The following TAFA2 variants were observed in gnomAD, a reference collection of about 807,000 sequenced individuals.
TAFA2 encodes the protein chemokine-like protein TAFA-2.
In TAFA2, 7 loss-of-function variants were observed where a neutral mutation model predicts 18.8. That is an observed-to-expected ratio of 0.37 (90% confidence interval 0.21 to 0.70). The LOEUF (loss-of-function observed/expected upper bound fraction) is 0.70. Among genes scored for constraint, TAFA2 ranks in the 30% least tolerant of loss-of-function variants. TAFA2 has a pLI of 0.53. For missense variants in TAFA2, 122 were observed against 158.1 expected (o/e 0.77, Z 1.23); for synonymous variants, 60 against 54.2 (o/e 1.11, Z -0.47).
chr12:61,924,102 C>T (rs1047113524), intron 1 of TAFA2, among the ~76,000 whole-genome samples: 4 of 151,810 alleles, frequency 2.6e-5, no homozygotes, highest in Non-Finnish European at 5.9e-5. Flanking sequence ...AAAGACCAAC[C>T]CTACGTTTCA....
intron 1 of TAFA2, among the ~76,000 whole-genome samples, chr12:62,257,827 C>G (rs894603462): frequency 1.3e-5 from 2 of 152,154 alleles, no homozygotes; most frequent in African/African-American, 4.8e-5. Flanking sequence ...CTTTTCTCAT[C>G]AATTTATCTA....
chr12:61,846,653 C>G (rs1430415187), intron 2 of TAFA2, among the ~76,000 whole-genome samples: 2 of 152,150 alleles, frequency 1.3e-5, no homozygotes, highest in Admixed American at 1.3e-4. Flanking sequence ...TCTTTGCTTA[C>G]ATAACTTAAA....
chr12:62,038,146 T>C (rs1881659487), intron 1 of TAFA2, among the ~76,000 whole-genome samples: 1 of 152,158 alleles, frequency 6.6e-6, no homozygotes, highest in Non-Finnish European at 1.5e-5. Context: ...AAGTAGCAGA[T>C]GTATAGGATT....
chr12:61,874,929 A>G (rs1350657264), intron 1 of TAFA2, among the ~76,000 whole-genome samples: 3 of 152,072 alleles, frequency 2.0e-5, no homozygotes, highest in Admixed American at 2.0e-4. Flanking sequence ...ATTAGAGTAA[A>G]CAAGAAATCA....
At chr12:62,043,251 G>C (rs1471702869) in intron 1 of TAFA2, among the ~76,000 whole-genome samples, 2 of 152,082 alleles carry the variant, frequency 1.3e-5, no homozygotes, top group African/African-American at 4.8e-5. Flanking sequence ...AAGAAAATGT[G>C]GCACATATAC....
chr12:61,861,465 G>A (rs879467704), intron 2 of TAFA2, among the ~76,000 whole-genome samples: 24 of 151,854 alleles, frequency 1.6e-4, no homozygotes, highest in Non-Finnish European at 3.2e-4. Flanking sequence ...TTGTTGTCCA[G>A]GCTGGTATCA....
intron 2 of TAFA2, among the ~76,000 whole-genome samples, chr12:61,808,732 G>C (rs1871733986): frequency 6.6e-6 from 1 of 151,362 alleles, no homozygotes; most frequent in Non-Finnish European, 1.5e-5. Context: ...TGCAAGATGG[G>C]TTACAGAAGG....
intron 2 of TAFA2, among the ~76,000 whole-genome samples, chr12:61,824,695 A>G (rs1346649709): frequency 6.6e-6 from 1 of 152,210 alleles, no homozygotes; most frequent in African/African-American, 2.4e-5. Flanking sequence ...ACCAATACTT[A>G]TAGTAAGAAG....
At chr12:62,037,682 T>G (rs1881646403) in intron 1 of TAFA2, among the ~76,000 whole-genome samples, 1 of 152,158 alleles carries the variant, frequency 6.6e-6, no homozygotes, top group Non-Finnish European at 1.5e-5. Context: ...CAAGAAAACT[T>G]ACATACCAAA....
intron 2 of TAFA2, among the ~76,000 whole-genome samples, chr12:61,767,633 C>T (rs544428333): frequency 2.0e-5 from 3 of 152,070 alleles, no homozygotes; most frequent in African/African-American, 4.8e-5. Flanking sequence ...TGCTTTGTTC[C>T]CAGTGATTGA....
chr12:61,817,252 A>G (rs1331956001), intron 2 of TAFA2, among the ~76,000 whole-genome samples: 1 of 152,152 alleles, frequency 6.6e-6, no homozygotes, highest in Non-Finnish European at 1.5e-5. Context: ...CTTAACTTCT[A>G]TGTATTTATT....
chr12:61,777,671 C>A (rs1235874250), intron 2 of TAFA2, among the ~76,000 whole-genome samples: 1 of 151,276 alleles, frequency 6.6e-6, no homozygotes, highest in African/African-American at 2.4e-5. Flanking sequence ...GCTGGGTAAC[C>A]TTTGCCAAGG....
intron 1 of TAFA2, among the ~76,000 whole-genome samples, chr12:62,000,194 T>C (rs764895626): frequency 8.7e-6 from 1 of 114,312 alleles, no homozygotes. Context: ...TTTAACCCTG[T>C]ACATTAGCAT....
intron 2 of TAFA2, among the ~76,000 whole-genome samples, chr12:61,841,841 T>A (rs1413542697): frequency 6.6e-6 from 1 of 152,092 alleles, no homozygotes; most frequent in Non-Finnish European, 1.5e-5. Context: ...CATCACATTG[T>A]ATCACATAAA....
At chr12:62,080,868 C>A (rs1437969334) in intron 1 of TAFA2, among the ~76,000 whole-genome samples, 1 of 152,124 alleles carries the variant, frequency 6.6e-6, no homozygotes, top group Non-Finnish European at 1.5e-5. Flanking sequence ...GCCTCCTAAA[C>A]CTTTGATAAA....
At chr12:61,986,816 A>C (rs1879836785) in intron 1 of TAFA2, among the ~76,000 whole-genome samples, 1 of 152,188 alleles carries the variant, frequency 6.6e-6, no homozygotes, top group African/African-American at 2.4e-5. Flanking sequence ...AAAATAATTC[A>C]AATTTGAAAT....
chr12:62,039,094 T>C (rs559124767), intron 1 of TAFA2, among the ~76,000 whole-genome samples: 7 of 152,302 alleles, frequency 4.6e-5, no homozygotes, highest in African/African-American at 1.4e-4. Context: ...ACCCTCTCAC[T>C]GGATTTGAGA....
At chr12:62,072,234 G>A (rs1056220050) in intron 1 of TAFA2, among the ~76,000 whole-genome samples, 1 of 152,022 alleles carries the variant, frequency 6.6e-6, no homozygotes. Context: ...GAAGGCCGAG[G>A]CGGGCGGATC....
intron 2 of TAFA2, 29 bp from the exon 3 acceptor site, chr12:61,755,053 T>C (rs748153370): frequency 2.5e-5 from 40 of 1,609,862 alleles, no homozygotes; most frequent in Non-Finnish European, 2.9e-5. Flanking sequence ...TAAGACAACA[T>C]TGAGAAAGCT....
Sources: allele counts gnomAD v4.1 joint callset (sites outside exome capture counted in the v4.1 genomes callset), GRCh38; gene constraint gnomAD v4.1.1; transcripts MANE v1.5; gene names NCBI Gene and HGNC (gene_info 2026-07-23, HGNC 2026-07-21).